The following UBAC2 variants were observed in gnomAD, a reference collection of about 807,000 sequenced individuals.
UBAC2 encodes the protein ubiquitin-associated domain-containing protein 2.
In UBAC2, 26 loss-of-function variants were observed where a neutral mutation model predicts 44.0. That is an observed-to-expected ratio of 0.59 (90% CI 0.43 to 0.82). The LOEUF is 0.82. Among genes scored for constraint, UBAC2 ranks in the 40% least tolerant of loss-of-function variants. The pLI, the probability that UBAC2 is intolerant of heterozygous loss-of-function variation, is 0.00. For missense variants in UBAC2, 329 were observed against 419.4 expected, an observed-to-expected ratio of 0.78 and a Z score of 1.88; for synonymous variants, 155 against 154.3, an observed-to-expected ratio of 1.00 and a Z score of -0.04.
intron 1 of UBAC2, among the ~76,000 whole-genome samples, chr13:99,208,255 C>T (rs1043836669): frequency 1.3e-5 from 2 of 152,170 alleles, no homozygotes; most frequent in African/African-American, 4.8e-5. Context: ...CCTCTGCCTC[C>T]CAAAGTCTTG....
At chr13:99,240,631 C>CAA (rs2043288603) in intron 2 of UBAC2, among the ~76,000 whole-genome samples, 1 of 152,134 alleles carries the variant, frequency 6.6e-6, no homozygotes, top group African/African-American at 2.4e-5. Flanking sequence ...CCTATGTGCT[C>CAA]TCGTGTACTG....
rs898506313 is a variant in UBAC2, at chr13:99,245,073, A to G, written c.389+449A>G. Reference sequence around the variant, plus strand: ...GGTCTTGAACTCCTGACCTCAGGTGATCCACCCGCCTCGGCCTCCCAAAGT... The same window carrying G: ...GGTCTTGAACTCCTGACCTCAGGTGGTCCACCCGCCTCGGCCTCCCAAAGT... On this transcript the variant is annotated intron_variant, in intron 4 of 8. Transcript: ENST00000403766. Among the ~76,000 whole-genome samples the G allele has an allele frequency of 2.6e-5, 4 of 152,214 alleles. No homozygotes were observed. The East Asian group carries it at 7.7e-4, about 29-fold the overall frequency.
chr13:99,273,520 A>G (rs1338500232), intron 4 of UBAC2, among the ~76,000 whole-genome samples: 2 of 152,160 alleles, frequency 1.3e-5, no homozygotes, highest in African/African-American at 4.8e-5. Flanking sequence ...GGGGGAAAGG[A>G]AAGATGTAGA....
chr13:99,242,722 TGGCCGGGGCTGACCCC>T (rs2043328889), intron 2 of UBAC2, among the ~76,000 whole-genome samples: 2 of 102,500 alleles, frequency 2.0e-5, no homozygotes, highest in East Asian at 3.6e-4. Flanking sequence ...GCGGCTGGCC[TGGCCGGGGCTGACCCC>T]CACCTCTCTC....
intron 1 of UBAC2, among the ~76,000 whole-genome samples, chr13:99,223,512 G>T: frequency 1.9e-5 from 2 of 105,278 alleles, no homozygotes; most frequent in Admixed American, 8.8e-5. Context: ...GCTTGCTTAG[G>T]TTTTAATTTG....
intron 1 of UBAC2, chr13:99,201,390 C>T (rs758831638): frequency 8.7e-6 from 14 of 1,602,464 alleles, no homozygotes; most frequent in Non-Finnish European, 1.2e-5. Context: ...GCTTTAGAAG[C>T]TGACCTCTCA....
At chr13:99,241,726 C>CTTT (rs34012077) in intron 2 of UBAC2, among the ~76,000 whole-genome samples, 52 of 140,554 alleles carry the variant, frequency 3.7e-4, no homozygotes, top group Non-Finnish European at 5.4e-4. Flanking sequence ...AAAATTTTAA[C>CTTT]TTTTTTTTTT....
chr13:99,293,322 G>A (rs1018241117), intron 4 of UBAC2, among the ~76,000 whole-genome samples: 3 of 152,058 alleles, frequency 2.0e-5, no homozygotes, highest in Non-Finnish European at 4.4e-5. Flanking sequence ...GAGGACTCTT[G>A]CCTACCCTAA....
intron 1 of UBAC2, among the ~76,000 whole-genome samples, chr13:99,219,516 G>A (rs1327234935): frequency 6.6e-6 from 1 of 152,110 alleles, no homozygotes; most frequent in Non-Finnish European, 1.5e-5. Flanking sequence ...GGCCATATGC[G>A]ACCCAAGACA....
intron 8 of UBAC2, among the ~76,000 whole-genome samples, chr13:99,370,311 G>A (rs2045388074): frequency 6.6e-6 from 1 of 152,196 alleles, no homozygotes; most frequent in South Asian, 2.1e-4. Flanking sequence ...GAGAGAGAAA[G>A]CAGCTATGGC....
In UBAC2 at chr13:99,294,968, T is replaced by C. The variant is rs1013335768; in HGVS notation, c.390-19129T>C. The C allele has an allele frequency of 1.8e-5, 25 of 1,399,000 alleles. 1 individual carries two copies. The highest frequency in any genetic ancestry group is 1.7e-4 in the African/African-American group (12 of 69,234). 86.7% of individuals were successfully genotyped at this position (1,399,000 alleles called of 1,614,324 possible). A position where few individuals can be genotyped will look rare whatever the true frequency, so the allele number is the denominator to read the frequency against. ...TGAAAGAAATATAAAAGAATACTAA[T>C]TGGAAGCTGAACAATTATTTTGCTT... On this transcript the variant is annotated intron_variant, in intron 4 of 8. Coordinates refer to ENST00000403766, the MANE Select transcript of UBAC2 (RefSeq NM_001144072.2).
intron 4 of UBAC2, chr13:99,255,770 T>C: frequency 6.2e-7 from 1 of 1,613,896 alleles, no homozygotes; most frequent in South Asian, 1.1e-5. Flanking sequence ...AATAATCCAA[T>C]TATGAAGATA....
At chr13:99,346,538 T>C (rs1566513938) in intron 7 of UBAC2, among the ~76,000 whole-genome samples, 1 of 152,236 alleles carries the variant, frequency 6.6e-6, no homozygotes, top group East Asian at 1.9e-4. Context: ...GCTGCTCATA[T>C]TGTTTCACGC....
chr13:99,371,485 A>T (rs1163106108), intron 8 of UBAC2, among the ~76,000 whole-genome samples: 2 of 152,330 alleles, frequency 1.3e-5, no homozygotes, highest in East Asian at 3.9e-4. Context: ...TATAAAAGAT[A>T]AAAAAGATAC....
At position 99,292,485 on chromosome 13, in the gene UBAC2, G is replaced by A. The variant is rs1006499257; in HGVS notation, c.390-21612G>A. Among the ~76,000 whole-genome samples the A allele has an allele frequency of 5.9e-5, 9 of 152,226 alleles. 1 individual carries two copies. The South Asian group carries it at 1.9e-3, about 32-fold the overall frequency. ...CTGCCTTTAATTTATCAGGGTGCCTGTTCTGAAGTTAGGTTTCTTTATAAA... is the reference window on the plus strand; with the variant it reads ...CTGCCTTTAATTTATCAGGGTGCCTATTCTGAAGTTAGGTTTCTTTATAAA... On this transcript the variant is annotated intron_variant, in intron 4 of 8. Transcript: ENST00000403766.
chr13:99,239,694 G>T (rs574009378), intron 2 of UBAC2, among the ~76,000 whole-genome samples: 2 of 152,184 alleles, frequency 1.3e-5, no homozygotes, highest in African/African-American at 4.8e-5. Context: ...GATGGAAGAA[G>T]ACCACTCTTC....
chr13:99,338,212 C>T (rs1025701195), intron 6 of UBAC2, among the ~76,000 whole-genome samples: 3 of 151,718 alleles, frequency 2.0e-5, no homozygotes, highest in Non-Finnish European at 4.4e-5. Flanking sequence ...TGTGTGCCAC[C>T]ACGCCCGGCT....
intron 1 of UBAC2, among the ~76,000 whole-genome samples, chr13:99,219,770 A>G (rs1403678153): frequency 2.0e-5 from 3 of 152,208 alleles, no homozygotes; most frequent in African/African-American, 4.8e-5. Flanking sequence ...TTCAGTCTGT[A>G]TGGATTTTTA....
intron 1 of UBAC2, among the ~76,000 whole-genome samples, chr13:99,237,684 G>A (rs966592904): frequency 1.8e-4 from 27 of 152,362 alleles, no homozygotes; most frequent in African/African-American, 6.5e-4. Flanking sequence ...GCTGGGTGCC[G>A]TGGCCCATGC....
Sources: allele counts gnomAD v4.1 joint callset (sites outside exome capture counted in the v4.1 genomes callset), GRCh38; gene constraint gnomAD v4.1.1; transcripts MANE v1.5; gene names NCBI Gene and HGNC (gene_info 2026-07-23, HGNC 2026-07-21).